TMEM223: variants seen among roughly 807,000 people sequenced by gnomAD.
TMEM223 encodes transmembrane protein 223.
Under a neutral mutation model 14.1 loss-of-function variants are expected in TMEM223, and 14 were observed. That is an observed-to-expected ratio of 0.99 (90% CI 0.66 to 1.55). The LOEUF is 1.55. Among genes scored for constraint, TMEM223 ranks in the 40% most tolerant of loss-of-function variants. TMEM223 has a pLI of 0.00. For synonymous variants in TMEM223, 145 were observed against 120.5 expected, an observed-to-expected ratio of 1.20 and a Z score of -1.33; for missense variants, 346 against 269.9, an observed-to-expected ratio of 1.28 and a Z score of -1.97.
At chr11:62,781,002 G>A (rs1227262269) in intron 1 of TMEM223, among the ~76,000 whole-genome samples, 4 of 150,280 alleles carry the variant, frequency 2.7e-5, no homozygotes, top group Non-Finnish European at 5.9e-5. Flanking sequence ...TTGGGAGGCC[G>A]AGGCGGGTGG....
At chr11:62,782,328 C>T (rs1285704485) in intron 1 of TMEM223, 1 of 1,613,158 alleles carries the variant, frequency 6.2e-7, no homozygotes, top group Admixed American at 1.7e-5. Flanking sequence ...TCAGCCACAT[C>T]TTCTGGTAGC....
chr11:62,789,828 G>C, downstream of TMEM223: 1 of 1,579,000 alleles, frequency 6.3e-7, no homozygotes, highest in Non-Finnish European at 8.6e-7. Context: ...TGTGTGGGTG[G>C]GAAGGACTGG....
At chr11:62,783,068 T>C (rs2084242124), downstream of TMEM223, among the ~76,000 whole-genome samples, 1 of 152,364 alleles carries the variant, frequency 6.6e-6, no homozygotes, top group East Asian at 1.9e-4. Context: ...TTCTATATTA[T>C]CACATTAAGA....
At chr11:62,772,859 TTTTG>T (rs1436175200) in intron 2 of TMEM223, among the ~76,000 whole-genome samples, 3 of 151,854 alleles carry the variant, frequency 2.0e-5, no homozygotes, top group Non-Finnish European at 4.4e-5. Flanking sequence ...GATCTTTTTT[TTTTG>T]TTTGTTTTTG....
At chr11:62,779,542 T>G (rs2084211690) in intron 1 of TMEM223, among the ~76,000 whole-genome samples, 1 of 152,042 alleles carries the variant, frequency 6.6e-6, no homozygotes, top group African/African-American at 2.4e-5. Context: ...GTCAGACTGG[T>G]CTCGAACTCC....
downstream of TMEM223, chr11:62,786,364 A>T: frequency 6.2e-7 from 1 of 1,614,140 alleles, no homozygotes; most frequent in Non-Finnish European, 8.5e-7. Context: ...AAGCAGATGG[A>T]CACAAAGTCT....
rs1355343251 is a variant in TMEM223 at position 62,790,614 on chromosome 11, G to T, written c.*9C>A. On this transcript the variant is annotated 3_prime_UTR_variant, in exon 2 of 2. Transcript: ENST00000307366. ...CTCTTGGAGAGGTGAGTGACTTGAGGTCATTTCTTCACAAGCTCCGGTAGG... is the reference window on the plus strand; with the variant it reads ...CTCTTGGAGAGGTGAGTGACTTGAGTTCATTTCTTCACAAGCTCCGGTAGG... The T allele has an allele frequency of 6.2e-7, 1 of 1,602,028 alleles. No homozygotes were observed. The highest frequency in any genetic ancestry group is 8.5e-7 in the Non-Finnish European group (1 of 1,172,356).
intron 1 of TMEM223, among the ~76,000 whole-genome samples, chr11:62,781,567 G>C (rs1001400844): frequency 6.6e-6 from 1 of 151,218 alleles, no homozygotes; most frequent in Non-Finnish European, 1.5e-5. Flanking sequence ...CCAGCTACTC[G>C]GGAGGCTGAG....
At chr11:62,784,365 C>T (rs1470149429), downstream of TMEM223, among the ~76,000 whole-genome samples, 1 of 146,810 alleles carries the variant, frequency 6.8e-6, no homozygotes, top group Non-Finnish European at 1.5e-5. Flanking sequence ...AGTCCAGTGG[C>T]GCCATCTTGG....
intron 1 of TMEM223, chr11:62,781,769 C>A: frequency 1.2e-6 from 1 of 831,420 alleles, no homozygotes; most frequent in Non-Finnish European, 2.0e-6. Context: ...ATTGCTAGAT[C>A]AAAGAATATG....
chr11:62,783,035 C>T (rs1246428916), downstream of TMEM223, among the ~76,000 whole-genome samples: 1 of 152,230 alleles, frequency 6.6e-6, no homozygotes, highest in East Asian at 1.9e-4. Flanking sequence ...CTGATGTCCC[C>T]ACATTTTATA....
At chr11:62,787,568 C>T, downstream of TMEM223, 3 of 1,495,626 alleles carry the variant, frequency 2.0e-6, no homozygotes, top group Non-Finnish European at 2.7e-6. Flanking sequence ...GGGGAGCTGG[C>T]CGGTCTGGAC....
downstream of TMEM223, chr11:62,782,638 CTGTTGGGTGGCACCA>C (rs2084238933): frequency 3.1e-6 from 5 of 1,598,208 alleles, no homozygotes; most frequent in Non-Finnish European, 3.4e-6. Context: ...GTCTTGTGCC[CTGTTGGGTGGCACCA>C]TGCCTCATTC....
intron 1 of TMEM223, chr11:62,776,494 G>A (rs1209646015): frequency 6.2e-7 from 1 of 1,610,732 alleles, no homozygotes; most frequent in East Asian, 2.2e-5. Flanking sequence ...AGGCTACAGA[G>A]GGCTCAGGTG....
downstream of TMEM223, chr11:62,789,319 G>A: frequency 6.2e-7 from 1 of 1,613,956 alleles, no homozygotes; most frequent in Non-Finnish European, 8.5e-7. Flanking sequence ...GCATTGCACT[G>A]GCCATCTCAG....
downstream of TMEM223, chr11:62,787,319 G>C (rs199666158): frequency 6.6e-7 from 1 of 1,526,466 alleles, no homozygotes. Flanking sequence ...TTCGTTCCTT[G>C]TAAATAAATC....
intron 1 of TMEM223, chr11:62,777,872 C>T: frequency 5.2e-6 from 7 of 1,353,074 alleles, no homozygotes; most frequent in Non-Finnish European, 7.0e-6. Context: ...TTCTGGACTT[C>T]CTTCAAACGT....
intron 1 of TMEM223, chr11:62,778,409 C>A: frequency 3.2e-6 from 5 of 1,550,736 alleles, no homozygotes; most frequent in Non-Finnish European, 4.4e-6. Flanking sequence ...TGCCTATGTG[C>A]CCCCGAGTCT....
intron 1 of TMEM223, chr11:62,782,403 G>GC: frequency 6.6e-7 from 1 of 1,512,988 alleles, no homozygotes; most frequent in East Asian, 2.3e-5. Flanking sequence ...AGGAAATGGG[G>GC]CGAAGCCTCT....
Sources: allele counts gnomAD v4.1 joint callset (sites outside exome capture counted in the v4.1 genomes callset), GRCh38; gene constraint gnomAD v4.1.1; transcripts MANE v1.5; gene names NCBI Gene and HGNC (gene_info 2026-07-23, HGNC 2026-07-21).